The following PIWIL2 variants were observed in gnomAD, a reference collection of about 807,000 sequenced individuals.
The protein encoded by PIWIL2 is piwi-like protein 2.
PIWIL2 carries 81 observed loss-of-function variants against 116.5 expected under a neutral mutation model. That is an observed-to-expected ratio of 0.70 (90% confidence interval 0.58 to 0.84). The LOEUF is 0.84. Among genes scored for constraint, PIWIL2 ranks in the 40% least tolerant of loss-of-function variants. The pLI is 0.00. For missense variants in PIWIL2, 1,272 were observed against 1,212.3 expected, an observed-to-expected ratio of 1.05 and a Z score of -0.73; for synonymous variants, 489 against 429.5, an observed-to-expected ratio of 1.14 and a Z score of -1.71.
At chr8:22,317,488 A>G (rs950238642) in intron 19 of PIWIL2, among the ~76,000 whole-genome samples, 3 of 152,096 alleles carry the variant, frequency 2.0e-5, no homozygotes, top group Admixed American at 2.0e-4. Context: ...ATTTTCCTGT[A>G]TCATTACAAA....
intron 22 of PIWIL2, 38 bp from the exon 23 acceptor site, chr8:22,355,311 G>C (rs747711368): frequency 1.9e-6 from 3 of 1,607,784 alleles, no homozygotes; most frequent in Non-Finnish European, 2.6e-6. Context: ...ATTGAAGGTG[G>C]GGGATGATGA....
At chr8:22,348,483 C>G (rs1175932763) in intron 20 of PIWIL2, among the ~76,000 whole-genome samples, 4 of 152,210 alleles carry the variant, frequency 2.6e-5, no homozygotes, top group African/African-American at 9.7e-5. Context: ...AATTAATAAA[C>G]ACAGTGTTGC....
chr8:22,341,533 T>G (rs896335167), intron 20 of PIWIL2, among the ~76,000 whole-genome samples: 1 of 146,014 alleles, frequency 6.8e-6, no homozygotes, highest in African/African-American at 2.5e-5. Flanking sequence ...AGGCGAAGGT[T>G]GCGGTGAACC....
At chr8:22,308,214 G>A in intron 14 of PIWIL2, 141 bp downstream of exon 14, 1 of 526,048 alleles carries the variant, frequency 1.9e-6, no homozygotes, top group Non-Finnish European at 3.1e-6. Flanking sequence ...TTTTTTTTTT[G>A]AGACAGAGTC....
intron 20 of PIWIL2, among the ~76,000 whole-genome samples, chr8:22,340,870 T>G (rs1832092487): frequency 6.6e-6 from 1 of 152,082 alleles, no homozygotes; most frequent in Non-Finnish European, 1.5e-5. Context: ...CGCCACCATT[T>G]CTGGCTAATT....
At chr8:22,281,849 G>A (rs2131981645) in intron 4 of PIWIL2, among the ~76,000 whole-genome samples, 1 of 142,374 alleles carries the variant, frequency 7.0e-6, no homozygotes, top group East Asian at 2.1e-4. Context: ...TTGGCTCACT[G>A]CAACCTCCGC....
intron 18 of PIWIL2, 80 bp from the exon 19 acceptor site, chr8:22,316,165 G>T: frequency 1.2e-6 from 1 of 828,924 alleles, no homozygotes; most frequent in Non-Finnish European, 2.1e-6. Flanking sequence ...GGTTGCTTTG[G>T]GATTCAGACA....
At chr8:22,286,874 G>A (rs780721482) in intron 6 of PIWIL2, among the ~76,000 whole-genome samples, 4 of 151,698 alleles carry the variant, frequency 2.6e-5, no homozygotes, top group Non-Finnish European at 5.9e-5. Context: ...CACCCACCTC[G>A]GCCTCCCAAA....
At chr8:22,312,416 C>T (rs1015118176) in intron 16 of PIWIL2, among the ~76,000 whole-genome samples, 3 of 152,020 alleles carry the variant, frequency 2.0e-5, no homozygotes, top group African/African-American at 7.2e-5. Context: ...AGGCGTGGGC[C>T]ATCACACCTG....
chr8:22,307,247 C>T (rs937452077), intron 13 of PIWIL2, among the ~76,000 whole-genome samples: 11 of 151,600 alleles, frequency 7.3e-5, no homozygotes, highest in East Asian at 1.9e-4. Flanking sequence ...GTCTCAAATT[C>T]CTGGGCTCAA....
intron 20 of PIWIL2, among the ~76,000 whole-genome samples, chr8:22,349,417 G>GTATGTATGTA (rs1431825878): frequency 7.4e-6 from 1 of 134,598 alleles, no homozygotes; most frequent in African/African-American, 2.7e-5. Flanking sequence ...ATATGTGTGT[G>GTATGTATGTA]TGTATATATA....
chr8:22,345,310 C>T (rs1832200494), intron 20 of PIWIL2, among the ~76,000 whole-genome samples: 1 of 152,122 alleles, frequency 6.6e-6, no homozygotes, highest in South Asian at 2.1e-4. Context: ...CAAGTCCACA[C>T]AAAAACTTAT....
intron 20 of PIWIL2, chr8:22,352,680 T>C: frequency 3.0e-6 from 1 of 332,820 alleles, no homozygotes; most frequent in Non-Finnish European, 5.5e-6. Flanking sequence ...TTTGTTTGCA[T>C]TGTTTGTGGA....
In PIWIL2 at chr8:22,287,904, A is replaced by C. The variant is rs575156993; in HGVS notation, c.861+259A>C. 2.6e-5 allele frequency among the ~76,000 whole-genome samples: 4 copies of C among 152,300 alleles called. No homozygotes were observed. In the South Asian group the frequency reaches 8.3e-4, roughly 32 times the overall value. ...AGAGGGGAAGACAGATTTCTGCAGG[A>C]CATCACAGCACATTTTAGGTTTGAA... On this transcript the variant is annotated intron_variant, in intron 7 of 22. Coordinates refer to ENST00000356766, the MANE Select transcript of PIWIL2 (RefSeq NM_018068.5).
intron 20 of PIWIL2, among the ~76,000 whole-genome samples, chr8:22,335,565 T>G (rs1487621545): frequency 3.8e-5 from 4 of 105,260 alleles, no homozygotes; most frequent in African/African-American, 1.3e-4. Flanking sequence ...TTTTTTTTTT[T>G]GAGACGCAGT....
chr8:22,307,379 G>C (rs889317219), intron 13 of PIWIL2, among the ~76,000 whole-genome samples: 3 of 151,204 alleles, frequency 2.0e-5, no homozygotes, highest in African/African-American at 7.3e-5. Context: ...GGCTCTTATA[G>C]GAATTTTAAA....
Position 22,304,141 on chromosome 8 carries a change from G to A in PIWIL2, c.1302G>A (p.Trp434Ter), listed in dbSNP as rs761077672. The part of the protein sequence containing the change: ...NRTYRIDDVD[W>*]NKTPKDSFTM... ...CCTATCGTATTGATGATGTGGATTG[G>A]AATAAGACTCCAAAGGATAGCTTCA... The change falls in exon 11 of 23, where the codon TGG (tryptophan) becomes TGA (stop). Residue 434 changes from tryptophan (W) to a stop codon, truncating the protein, a stop_gained. Coordinates refer to ENST00000356766, the MANE Select transcript of PIWIL2 (RefSeq NM_018068.5). LOFTEE classifies it high-confidence loss of function. 36 of 1,613,232 alleles carry A rather than the reference G, an allele frequency of 2.2e-5. No individual in the cohort carries two copies. Among genetic ancestry groups the A allele is most frequent in the Non-Finnish European group, 3.0e-5 (35 of 1,179,402 alleles).
intron 10 of PIWIL2, among the ~76,000 whole-genome samples, chr8:22,291,230 A>G (rs1259673926): frequency 6.6e-6 from 1 of 151,340 alleles, no homozygotes; most frequent in African/African-American, 2.4e-5. Flanking sequence ...AACTCACTGC[A>G]ACCTCTGCCT....
At chr8:22,332,431 C>T (rs1393787962) in intron 20 of PIWIL2, among the ~76,000 whole-genome samples, 1 of 152,012 alleles carries the variant, frequency 6.6e-6, no homozygotes, top group African/African-American at 2.4e-5. Flanking sequence ...TCTGAAAAGA[C>T]GATGGTGAGG....
Sources: gnomAD v4.1 joint callset for allele counts (sites outside exome capture counted in the v4.1 genomes callset) on GRCh38, gnomAD v4.1.1 for gene constraint, MANE v1.5 for transcripts, NCBI Gene and HGNC (gene_info 2026-07-23, HGNC 2026-07-21) for gene names.